The following PABIR2 variants were observed in gnomAD, a reference collection of about 807,000 sequenced individuals.
PABIR2 encodes PABIR family member 2, also known as family with sequence similarity 122B.
A neutral mutation model predicts 22.8 loss-of-function variants in PABIR2; 7 were observed. The ratio of observed to expected loss-of-function variants is 0.31; its 90% CI spans 0.17 to 0.58. PABIR2 has a LOEUF of 0.58. PABIR2 is among the 20% of genes least tolerant of loss of function. PABIR2 has a pLI of 0.89. For synonymous variants in PABIR2, 67 were observed against 73.8 expected, an observed-to-expected ratio of 0.91 and a Z score of 0.47; for missense variants, 155 against 205.1, an observed-to-expected ratio of 0.76 and a Z score of 1.49.
Position 134,796,162 on chromosome X carries a change from G to C in PABIR2, c.44C>G (p.Ser15Cys). ...KMELDLEPDT[S>C]YGGTLRRSSS... ...GGATCTCCTCAGGGTTCCCCCATAAGATGTGTCAGGCTCAAGGTCCAGCTC... is the reference window on the plus strand; with the variant it reads ...GGATCTCCTCAGGGTTCCCCCATAACATGTGTCAGGCTCAAGGTCCAGCTC... The change falls in exon 1 of 10, where the codon TCT becomes TGT. Residue 15 changes from serine to cysteine, a missense_variant. Coordinates refer to ENST00000343004, the MANE Select transcript of PABIR2 (RefSeq NM_001387468.1). The C allele has an allele frequency of 8.3e-7, 1 of 1,210,888 alleles. No individual in the cohort carries two copies. Among genetic ancestry groups the C allele is most frequent in the Non-Finnish European group, 1.1e-6 (1 of 895,326 alleles).
At chrX:134,790,178 C>T (rs1280134125) in intron 2 of PABIR2, among the ~76,000 whole-genome samples, 1 of 112,241 alleles carries the variant, frequency 8.9e-6, no homozygotes, top group Admixed American at 9.5e-5. Flanking sequence ...ACAAATCTTA[C>T]TAGTTAACAA....
intron 7 of PABIR2, 146 bp from the exon 8 acceptor site, chrX:134,786,096 A>G (rs1283405081): frequency 5.8e-6 from 3 of 514,881 alleles, no homozygotes; most frequent in Non-Finnish European, 9.8e-6. Flanking sequence ...AGTAACTGAA[A>G]TCCAATACAT....
At chrX:134,780,856 T>G (rs1003555113) in intron 9 of PABIR2, among the ~76,000 whole-genome samples, 1 of 112,282 alleles carries the variant, frequency 8.9e-6, no homozygotes, top group African/African-American at 3.2e-5. Flanking sequence ...GAGTAAGATT[T>G]AAAAAACATG....
intron 8 of PABIR2, among the ~76,000 whole-genome samples, chrX:134,782,323 A>T (rs2079178184): frequency 8.9e-6 from 1 of 112,363 alleles, no homozygotes; most frequent in Non-Finnish European, 1.9e-5. Flanking sequence ...ACATTTCCTG[A>T]GATGGTGTCA....
At chrX:134,774,358 T>C (rs1322697122) in intron 9 of PABIR2, among the ~76,000 whole-genome samples, 1 of 112,002 alleles carries the variant, frequency 8.9e-6, no homozygotes, top group Non-Finnish European at 1.9e-5. Context: ...AAGCACATAT[T>C]GGCCGGGCAA....
At position 134,796,294 on chromosome X, in the gene PABIR2, G is replaced by A. The variant is rs2079809868; in HGVS notation, c.-89C>T. The A allele has an allele frequency of 1.6e-6, 1 of 640,273 alleles. No homozygotes were observed. The highest frequency in any genetic ancestry group is 2.3e-5 in the African/African-American group (1 of 42,696). The allele number at this position is 640,273 out of a possible 1,213,427, so 52.8% of individuals were successfully genotyped here. ...AAGACTCTCACTGCAGGACTGAGCT[G>A]CTGGGGACTGGCAGCTGGGGGCGGG... On this transcript the variant is annotated 5_prime_UTR_variant, in exon 1 of 10. Coordinates refer to ENST00000343004, the MANE Select transcript of PABIR2 (RefSeq NM_001387468.1).
intron 6 of PABIR2, 77 bp from the exon 7 acceptor site, chrX:134,787,610 CTTTT>C (rs1179720154): frequency 6.3e-3 from 1,824 of 287,759 alleles, no homozygotes; most frequent in East Asian, 8.1e-3. Context: ...AGTTTTCTTT[CTTTT>C]TTTTTTTTTT....
At chrX:134,784,517 G>A (rs1285726290) in intron 8 of PABIR2, among the ~76,000 whole-genome samples, 1 of 107,876 alleles carries the variant, frequency 9.3e-6, no homozygotes, top group East Asian at 2.9e-4. Context: ...TTGAGACAGG[G>A]TCTCACTCTG....
At chrX:134,781,353 C>A (rs2079151904) in intron 9 of PABIR2, among the ~76,000 whole-genome samples, 1 of 112,174 alleles carries the variant, frequency 8.9e-6, no homozygotes, top group Admixed American at 9.5e-5. Context: ...AGCTGGGGGG[C>A]AGAAAGCATA....
Position 134,785,958 on chromosome X carries a change from G to GA in PABIR2, c.498-9dup. The GA allele has an allele frequency of 8.3e-7, 1 of 1,206,465 alleles. No homozygotes were observed. ...GGACTCTGACTTCTCCTGCTTTGATGAAAAAACAAACAGGATAATGTGAAG... is the reference window on the plus strand; with the variant it reads ...GGACTCTGACTTCTCCTGCTTTGATGAAAAAAACAAACAGGATAATGTGAAG... On this transcript the variant is annotated splice_polypyrimidine_tract_variant and intron_variant, in intron 7 of 9. Transcript: ENST00000343004.
At chrX:134,775,013 G>A (rs994112047) in intron 9 of PABIR2, among the ~76,000 whole-genome samples, 2 of 112,128 alleles carry the variant, frequency 1.8e-5, no homozygotes, top group African/African-American at 6.5e-5. Context: ...AAAGCAACAA[G>A]TTCTGGTCTA....
chrX:134,796,045 AT>A, intron 1 of PABIR2, 62 bp downstream of exon 1: 1 of 1,070,595 alleles, frequency 9.3e-7, no homozygotes, highest in Non-Finnish European at 1.3e-6. Context: ...AGGAAGGAAG[AT>A]TGCTTGCATG....
chrX:134,796,278 A>C lies in PABIR2; in HGVS notation c.-73T>G. The C allele has an allele frequency of 5.5e-5, 39 of 709,589 alleles. No individual in the cohort carries two copies. Among genetic ancestry groups the C allele is most frequent in the Non-Finnish European group, 6.6e-5 (34 of 516,075 alleles). The allele number at this position is 709,589 out of a possible 1,213,427, so 58.5% of individuals were successfully genotyped here. On this transcript the variant is annotated 5_prime_UTR_variant, in exon 1 of 10. Coordinates refer to ENST00000343004, the MANE Select transcript of PABIR2 (RefSeq NM_001387468.1). Reference sequence around the variant, plus strand: ...TTAGCTATGGACTCCCAAGACTCTCACTGCAGGACTGAGCTGCTGGGGACT... The same window carrying C: ...TTAGCTATGGACTCCCAAGACTCTCCCTGCAGGACTGAGCTGCTGGGGACT...
chrX:134,783,495 G>A (rs1191615443), intron 8 of PABIR2, among the ~76,000 whole-genome samples: 1 of 112,267 alleles, frequency 8.9e-6, no homozygotes, highest in Non-Finnish European at 1.9e-5. Flanking sequence ...GGGAGGCCGA[G>A]GCAGGCAATC....
In PABIR2 at chrX:134,778,915, C is replaced by A. The variant is rs748004636; in HGVS notation, c.659+2906G>T. Among the ~76,000 whole-genome samples the A allele has an allele frequency of 7.2e-4, 80 of 110,747 alleles. 1 individual carries two copies. Among genetic ancestry groups the A allele is most frequent in the African/African-American group, 2.4e-3 (73 of 30,465 alleles). ...GCAAGCTCTGCCTCCCGGGTTCACG[C>A]CATTCTTCCTGCCTCAGCCTCCCGA... On this transcript the variant is annotated intron_variant, in intron 9 of 9. Transcript: ENST00000343004.
chrX:134,771,338 C>T lies in PABIR2; in HGVS notation c.*801G>A. On this transcript the variant is annotated 3_prime_UTR_variant, in exon 10 of 10. Coordinates refer to ENST00000343004, the MANE Select transcript of PABIR2 (RefSeq NM_001387468.1). ...CATCTGGTCAAGGCAGGAATTTCTTCTCCTTGATAACACCACCTAGAAATA... is the reference window on the plus strand; with the variant it reads ...CATCTGGTCAAGGCAGGAATTTCTTTTCCTTGATAACACCACCTAGAAATA... 8.7e-7 allele frequency: 1 copy of T among 1,152,700 alleles called. No individual in the cohort carries two copies. The highest frequency in any genetic ancestry group is 1.1e-6 in the Non-Finnish European group (1 of 870,773). The allele number at this position is 1,152,700 out of a possible 1,213,427, so 95.0% of individuals were successfully genotyped here. A position where few individuals can be genotyped will look rare whatever the true frequency, so the allele number is the denominator to read the frequency against.
chrX:134,780,241 A>T (rs2079119824), intron 9 of PABIR2, among the ~76,000 whole-genome samples: 1 of 112,543 alleles, frequency 8.9e-6, no homozygotes, highest in African/African-American at 3.2e-5. Flanking sequence ...AAGGGGTATG[A>T]TCTTGCTATT....
At chrX:134,779,499 C>G (rs1052906232) in intron 9 of PABIR2, among the ~76,000 whole-genome samples, 1 of 111,709 alleles carries the variant, frequency 9.0e-6, no homozygotes, top group Non-Finnish European at 1.9e-5. Flanking sequence ...TAGACATTCA[C>G]GGGTCTACAG....
chrX:134,792,479 T>A (rs184634697), intron 2 of PABIR2, among the ~76,000 whole-genome samples: 1 of 112,423 alleles, frequency 8.9e-6, no homozygotes, highest in East Asian at 2.8e-4. Flanking sequence ...TATTTTCCAG[T>A]GTCCTCAGAG....
Sources: allele counts gnomAD v4.1 joint callset (sites outside exome capture counted in the v4.1 genomes callset), GRCh38; gene constraint gnomAD v4.1.1; transcripts MANE v1.5; gene names NCBI Gene and HGNC (gene_info 2026-07-23, HGNC 2026-07-21).